CCDC63: variants seen among roughly 807,000 people sequenced by gnomAD.
CCDC63 encodes coiled-coil domain-containing protein 63.
CCDC63 carries 54 observed loss-of-function variants against 63.6 expected under a neutral mutation model. That is an observed-to-expected ratio of 0.85 (90% confidence interval 0.68 to 1.07). The LOEUF (loss-of-function observed/expected upper bound fraction) is 1.07. CCDC63 is among the 50% of genes least tolerant of loss of function. The pLI, the probability that CCDC63 is intolerant of heterozygous loss-of-function variation, is 0.00. For missense variants in CCDC63, 637 were observed against 689.6 expected, an observed-to-expected ratio of 0.92 and a Z score of 0.86; for synonymous variants, 253 against 266.1, an observed-to-expected ratio of 0.95 and a Z score of 0.48.
In CCDC63 at chr12:110,904,594, T is replaced by C. The variant is rs200583861; in HGVS notation, c.1349T>C (p.Ile450Thr). 67 of 1,614,002 alleles carry C rather than the reference T, an allele frequency of 4.2e-5. No homozygotes were observed. The highest frequency in any genetic ancestry group is 5.4e-5 in the Non-Finnish European group (64 of 1,179,956). The change falls in exon 11 of 12, where the codon ATT becomes ACT. Residue 450 changes from isoleucine (I) to threonine (T), a missense_variant. By Grantham distance (89) the Ile-to-Thr change is moderately conservative (BLOSUM62 -1). Transcript: ENST00000308208. ...DINLPQYFAI[I>T]EKKTNDLLLL... is the part of the protein sequence containing the mutation. ...CCTGCTTCTTGTTCTCCAGCCATCA[T>C]TGAAAAGAAGACCAACGACCTGCTG...
At chr12:110,877,759 G>A (rs2071149722) in intron 5 of CCDC63, among the ~76,000 whole-genome samples, 1 of 147,990 alleles carries the variant, frequency 6.8e-6, no homozygotes, top group South Asian at 2.1e-4. Context: ...AGGCTAGGGT[G>A]CAGTGGCGTA....
intron 4 of CCDC63, among the ~76,000 whole-genome samples, chr12:110,869,070 C>A (rs965960971): frequency 1.3e-5 from 2 of 152,038 alleles, no homozygotes; most frequent in African/African-American, 4.8e-5. Flanking sequence ...TTGGGGATAA[C>A]CAAAGGGAAT....
intron 4 of CCDC63, among the ~76,000 whole-genome samples, chr12:110,872,231 C>T (rs187113500): frequency 2.6e-5 from 4 of 152,250 alleles, no homozygotes; most frequent in Non-Finnish European, 4.4e-5. Flanking sequence ...AGCTTGAGGG[C>T]AGCCATAGAC....
At chr12:110,905,112 G>T (rs1267852855) in intron 11 of CCDC63, among the ~76,000 whole-genome samples, 1 of 152,006 alleles carries the variant, frequency 6.6e-6, no homozygotes, top group Admixed American at 6.6e-5. Flanking sequence ...TTACAAGTTG[G>T]CAAGTTATGA....
intron 10 of CCDC63, among the ~76,000 whole-genome samples, chr12:110,900,452 G>A (rs989768427): frequency 6.6e-6 from 1 of 152,154 alleles, no homozygotes; most frequent in Non-Finnish European, 1.5e-5. Context: ...TCAGAGTAGT[G>A]CCTGGCATGT....
intron 5 of CCDC63, among the ~76,000 whole-genome samples, chr12:110,874,192 C>T (rs1449381511): frequency 6.6e-6 from 1 of 151,826 alleles, no homozygotes; most frequent in Non-Finnish European, 1.5e-5. Context: ...ATCTGGGATG[C>T]CTACTCTTAG....
At chr12:110,871,173 G>T (rs1160345082) in intron 4 of CCDC63, among the ~76,000 whole-genome samples, 2 of 152,082 alleles carry the variant, frequency 1.3e-5, no homozygotes, top group Non-Finnish European at 2.9e-5. Flanking sequence ...ACAGAGTCTT[G>T]CTCTGTTGCC....
In CCDC63 at chr12:110,892,344, G is replaced by A. The variant is rs957001456; in HGVS notation, c.1075-732G>A. ...TAATCCCAGCACTTTGGGAGGCTGA[G>A]GCGGAAGGATTGCTTGAGTGTAGGA... is the stretch of plus-strand genomic sequence containing the variant. On this transcript the variant is annotated intron_variant, in intron 8 of 11. Transcript: ENST00000308208. 2.0e-5 allele frequency among the ~76,000 whole-genome samples: 3 copies of A among 152,180 alleles called. No individual in the cohort carries two copies. In the East Asian group the frequency reaches 5.8e-4, roughly 29 times the overall value.
chr12:110,850,919 G>A (rs570440888), intron 1 of CCDC63, among the ~76,000 whole-genome samples: 2 of 152,050 alleles, frequency 1.3e-5, no homozygotes, highest in East Asian at 3.9e-4. Flanking sequence ...CCCAGAATAC[G>A]CCCCCAACCT....
chr12:110,867,767 C>A (rs1340341716), intron 4 of CCDC63, among the ~76,000 whole-genome samples: 1 of 143,682 alleles, frequency 7.0e-6, no homozygotes, highest in Non-Finnish European at 1.5e-5. Flanking sequence ...CCCCCCATCT[C>A]CCTCCCGGAC....
chr12:110,866,878 C>T (rs797009051), intron 4 of CCDC63, among the ~76,000 whole-genome samples: 2 of 149,798 alleles, frequency 1.3e-5, no homozygotes, highest in South Asian at 4.2e-4. Flanking sequence ...GGGCTCCTCA[C>T]TTCCCAGTAG....
upstream of CCDC63, among the ~76,000 whole-genome samples, chr12:110,846,354 T>C (rs182456788): frequency 3.9e-5 from 6 of 152,312 alleles, no homozygotes; most frequent in Non-Finnish European, 5.9e-5. Flanking sequence ...ATGAAAAATG[T>C]GTATCTTTAA....
At position 110,884,053 on chromosome 12, in the gene CCDC63, A is replaced by C; in HGVS notation, c.877A>C (p.Lys293Gln). ...AGCTCTCAAGGCAAAGAAGCATGTC[A>C]AGAAGAACAGGGGAGAGAGTTTTGA... is the stretch of plus-strand genomic sequence containing the variant. ...EEALKAKKHV[K>Q]KNRGESFESY... is the part of the protein sequence containing the mutation. Residue 293 changes from lysine to glutamine, a missense_variant, in exon 8 of 12, where the codon AAG (lysine) becomes CAG (glutamine). By Grantham distance (53) the Lys-to-Gln change is moderately conservative (BLOSUM62 1). Transcript: ENST00000308208. 1 of 1,613,964 alleles carries C rather than the reference A, an allele frequency of 6.2e-7. No homozygotes were observed. The highest frequency in any genetic ancestry group is 8.5e-7 in the Non-Finnish European group (1 of 1,179,900).
chr12:110,891,877 T>G (rs569084573), intron 8 of CCDC63, among the ~76,000 whole-genome samples: 85 of 152,188 alleles, frequency 5.6e-4, no homozygotes, highest in Non-Finnish European at 9.7e-4. Context: ...GCCCTGAGGG[T>G]CCACCTTTGC....
rs1566114611 is a variant in CCDC63 at position 110,853,575 on chromosome 12, G to A, written c.179+1G>A. On this transcript the variant is annotated splice_donor_variant, in intron 3 of 11. Transcript: ENST00000308208. LOFTEE classifies it high-confidence loss of function. ...ACCAGCAGAAGATTGCGAGTCAGTA[G>A]TAAGTGATGGTTGGAGTTTCGCACT... 22 of 1,614,178 alleles carry A rather than the reference G, an allele frequency of 1.4e-5. No homozygotes were observed. Among genetic ancestry groups the A allele is most frequent in the Non-Finnish European group, 1.9e-5 (22 of 1,180,030 alleles).
At chr12:110,848,132 C>T (rs1482367167) in intron 1 of CCDC63, among the ~76,000 whole-genome samples, 2 of 152,208 alleles carry the variant, frequency 1.3e-5, no homozygotes, top group Non-Finnish European at 2.9e-5. Context: ...CCTACTGGCT[C>T]TAGGCAGTTA....
intron 4 of CCDC63, among the ~76,000 whole-genome samples, chr12:110,864,545 T>C (rs966325852): frequency 5.3e-5 from 8 of 151,346 alleles, no homozygotes; most frequent in Non-Finnish European, 1.2e-4. Flanking sequence ...CTGGCCAACA[T>C]GGTAAAAACC....
upstream of CCDC63, among the ~76,000 whole-genome samples, chr12:110,845,138 C>A (rs2070624146): frequency 6.6e-6 from 1 of 152,180 alleles, no homozygotes. Flanking sequence ...ATGGCGGCTG[C>A]TGAGAGCTGC....
intron 4 of CCDC63, among the ~76,000 whole-genome samples, chr12:110,859,680 A>C (rs562910234): frequency 7.9e-5 from 12 of 152,240 alleles, no homozygotes; most frequent in African/African-American, 2.9e-4. Context: ...CAAAAAAAAA[A>C]AGAAAAGAAA....
Sources: gnomAD v4.1 joint callset for allele counts (sites outside exome capture counted in the v4.1 genomes callset) on GRCh38, gnomAD v4.1.1 for gene constraint, MANE v1.5 for transcripts, NCBI Gene and HGNC (gene_info 2026-07-23, HGNC 2026-07-21) for gene names.